The following IGIP variants were observed in gnomAD, a reference collection of about 807,000 sequenced individuals.
IGIP encodes the protein IgA-inducing protein homolog.
In IGIP, 1 loss-of-function variant was observed where a neutral mutation model predicts 3.2. The observed-to-expected ratio is 0.32, with a 90% CI of 0.11 to 1.50. IGIP has a LOEUF of 1.50. IGIP is among the 40% of genes most tolerant of loss of function. The probability of loss-of-function intolerance (pLI) is 0.39; values close to 1 mark genes in which losing one functional copy is unlikely to be tolerated. For missense variants in IGIP, 64 were observed against 69.0 expected (o/e 0.93, Z 0.26); for synonymous variants, 20 against 22.7 (o/e 0.88, Z 0.34).
In IGIP at chr5:140,129,022, A is replaced by C. The variant is rs1763243980; in HGVS notation, c.*384A>C. The C allele has an allele frequency of 6.3e-6, 1 of 159,822 alleles. No individual in the cohort carries two copies. The allele number at this position is 159,822 out of a possible 1,614,324, so 9.9% of individuals were successfully genotyped here. ...AAGGTAGGTTTGCTTATTTTTAAAA[A>C]TGTTATGTGAATGGCCTCCCTATCC... On this transcript the variant is annotated 3_prime_UTR_variant, in exon 1 of 1. Transcript: ENST00000333305.
At position 140,126,094 on chromosome 5, in the gene IGIP, A is replaced by G. The variant is rs368513330; in HGVS notation, c.-2383A>G. The G allele has an allele frequency of 1.2e-5, 2 of 167,092 alleles. No homozygotes were observed. Among genetic ancestry groups the G allele is most frequent in the African/African-American group, 2.4e-5 (1 of 41,454 alleles). 10.4% of individuals were successfully genotyped at this position (167,092 alleles called of 1,614,324 possible). A position where few individuals can be genotyped will look rare whatever the true frequency, so the allele number is the denominator to read the frequency against. On this transcript the variant is annotated 5_prime_UTR_variant, in exon 1 of 1. Transcript: ENST00000333305. Reference sequence around the variant, plus strand: ...CTTTGGGCTTATTCAAAAGTGTACAATAGGAAAGTATATTTCCTTTCTTAG... The same window carrying G: ...CTTTGGGCTTATTCAAAAGTGTACAGTAGGAAAGTATATTTCCTTTCTTAG...
At position 140,128,863 on chromosome 5, in the gene IGIP, G is replaced by C. The variant is rs1763242431; in HGVS notation, c.*225G>C. On this transcript the variant is annotated 3_prime_UTR_variant, in exon 1 of 1. Coordinates refer to ENST00000333305, the MANE Select transcript of IGIP (RefSeq NM_001007189.2). ...TTTTTGGGGGAAGGGGTCTGGTTGC[G>C]ATCTTGGATTTTTTTTTTTTTTGAT... 2.1e-6 allele frequency: 1 copy of C among 467,480 alleles called. No homozygotes were observed. The highest frequency in any genetic ancestry group is 3.8e-6 in the Non-Finnish European group (1 of 265,494). 29.0% of individuals were successfully genotyped at this position (467,480 alleles called of 1,614,324 possible). A position where few individuals can be genotyped will look rare whatever the true frequency, so the allele number is the denominator to read the frequency against.
In IGIP at chr5:140,128,380, C is replaced by T; in HGVS notation, c.-97C>T. 1.3e-6 allele frequency: 1 copy of T among 774,846 alleles called. No homozygotes were observed. The highest frequency in any genetic ancestry group is 2.8e-5 in the East Asian group (1 of 36,174). 48.0% of individuals were successfully genotyped at this position (774,846 alleles called of 1,614,324 possible). Reference sequence around the variant, plus strand: ...ATACAGTTAGAATATCATTAATTTGCACTGTTTGGGGACCCCATTTAAGAA... The same window carrying T: ...ATACAGTTAGAATATCATTAATTTGTACTGTTTGGGGACCCCATTTAAGAA... On this transcript the variant is annotated 5_prime_UTR_variant, in exon 1 of 1. Transcript: ENST00000333305.
chr5:140,126,053 G>A lies in IGIP; in HGVS notation c.-2424G>A, dbSNP rs1352662036. On this transcript the variant is annotated 5_prime_UTR_variant, in exon 1 of 1. It removes an upstream start codon present in the reference 5' UTR. Coordinates refer to ENST00000333305, the MANE Select transcript of IGIP (RefSeq NM_001007189.2). ...TATTGCATGTATTAGTTTTATTAAT[G>A]ATTTTTGGTGCATGCCTTTGGGCTT... 1 of 167,148 alleles carries A rather than the reference G, an allele frequency of 6.0e-6. No homozygotes were observed. Among genetic ancestry groups the A allele is most frequent in the South Asian group, 2.1e-4 (1 of 4,822 alleles). 10.4% of individuals were successfully genotyped at this position (167,148 alleles called of 1,614,324 possible). A position where few individuals can be genotyped will look rare whatever the true frequency, so the allele number is the denominator to read the frequency against.
At position 140,129,261 on chromosome 5, in the gene IGIP, G is replaced by A. The variant is rs1376113394; in HGVS notation, c.*623G>A. 5.9e-5 allele frequency: 9 copies of A among 152,122 alleles called. No individual in the cohort carries two copies. The highest frequency in any genetic ancestry group is 4.6e-4 in the Admixed American group (7 of 15,262). The allele number at this position is 152,122 out of a possible 1,614,324, so 9.4% of individuals were successfully genotyped here. A position where few individuals can be genotyped will look rare whatever the true frequency, so the allele number is the denominator to read the frequency against. ...GTACATGTAACATTTTGAAACAAGC[G>A]TACAATGTACTGATTAAATCAGGAT... On this transcript the variant is annotated 3_prime_UTR_variant, in exon 1 of 1. Coordinates refer to ENST00000333305, the MANE Select transcript of IGIP (RefSeq NM_001007189.2).
rs1215088823 is a variant in IGIP at position 140,129,193 on chromosome 5, A to G, written c.*555A>G. On this transcript the variant is annotated 3_prime_UTR_variant, in exon 1 of 1. Transcript: ENST00000333305. ...TTTTCTGTCAGTTACAATAAAAAAA[A>G]TGTAATTATCATGGATACATACTAG... 1 of 152,362 alleles carries G rather than the reference A, an allele frequency of 6.6e-6. No homozygotes were observed. The highest frequency in any genetic ancestry group is 1.5e-5 in the Non-Finnish European group (1 of 68,188). The allele number at this position is 152,362 out of a possible 1,614,324, so 9.4% of individuals were successfully genotyped here.
Position 140,126,350 on chromosome 5 carries a change from T to G in IGIP, c.-2127T>G, listed in dbSNP as rs983035799. On this transcript the variant is annotated 5_prime_UTR_variant, in exon 1 of 1. Coordinates refer to ENST00000333305, the MANE Select transcript of IGIP (RefSeq NM_001007189.2). ...GTTGGGTAGAAATACCTTTAGATCT[T>G]GCATTTACTTCCAAAAAGAAAAAAT... is the stretch of plus-strand genomic sequence containing the variant. The G allele has an allele frequency of 6.0e-6, 1 of 167,114 alleles. No homozygotes were observed. Among genetic ancestry groups the G allele is most frequent in the Admixed American group, 6.5e-5 (1 of 15,280 alleles). 10.4% of individuals were successfully genotyped at this position (167,114 alleles called of 1,614,324 possible). A position where few individuals can be genotyped will look rare whatever the true frequency, so the allele number is the denominator to read the frequency against.
rs1223295986 is a variant in IGIP at position 140,128,468 on chromosome 5, G to A, written c.-9G>A. ...TTTAAAAAGTAAATTTGAGCATTCT[G>A]TATTAAATATGTGCAGTTATTATCA... On this transcript the variant is annotated 5_prime_UTR_variant, in exon 1 of 1. Coordinates refer to ENST00000333305, the MANE Select transcript of IGIP (RefSeq NM_001007189.2). The A allele has an allele frequency of 1.9e-6, 3 of 1,564,584 alleles. No homozygotes were observed. The highest frequency in any genetic ancestry group is 1.7e-6 in the Non-Finnish European group (2 of 1,160,420).
In IGIP at chr5:140,129,335, A is replaced by G. The variant is rs1277366231; in HGVS notation, c.*697A>G. ...GTATGTATAATTTCTTCGTTTTAGG[A>G]ACATTCTAATTCCACTCTTAGTTAT... is the stretch of plus-strand genomic sequence containing the variant. On this transcript the variant is annotated 3_prime_UTR_variant, in exon 1 of 1. Coordinates refer to ENST00000333305, the MANE Select transcript of IGIP (RefSeq NM_001007189.2). The G allele has an allele frequency of 6.6e-6, 1 of 152,194 alleles. No homozygotes were observed. Among genetic ancestry groups the G allele is most frequent in the Non-Finnish European group, 1.5e-5 (1 of 68,026 alleles). The allele number at this position is 152,194 out of a possible 1,614,324, so 9.4% of individuals were successfully genotyped here.
Position 140,128,342 on chromosome 5 carries a change from G to T in IGIP, c.-135G>T. The T allele has an allele frequency of 1.7e-6, 1 of 580,274 alleles. No individual in the cohort carries two copies. The highest frequency in any genetic ancestry group is 2.6e-5 in the South Asian group (1 of 38,620). 35.9% of individuals were successfully genotyped at this position (580,274 alleles called of 1,614,324 possible). ...TGAGTTTACAAGTTAATCCTTATTG[G>T]AGATGTGCCAATATACAGTTAGAAT... On this transcript the variant is annotated 5_prime_UTR_variant, in exon 1 of 1. Coordinates refer to ENST00000333305, the MANE Select transcript of IGIP (RefSeq NM_001007189.2).
chr5:140,128,489 T>G lies in IGIP; in HGVS notation c.13T>G (p.Tyr5Asp). The change falls in exon 1 of 1, where the codon TAT becomes GAT. Residue 5 changes from tyrosine to aspartate, a missense_variant. Transcript: ENST00000333305. MCSYYHMKKRSVSGC... is the reference protein window; with the variant it reads MCSYDHMKKRSVSGC... ...TTCTGTATTAAATATGTGCAGTTAT[T>G]ATCACATGAAGAAACGCAGTGTGTC... The G allele has an allele frequency of 8.8e-6, 14 of 1,591,358 alleles. No homozygotes were observed. Among genetic ancestry groups the G allele is most frequent in the Non-Finnish European group, 1.1e-5 (13 of 1,171,780 alleles).
rs1763248179 is a variant in IGIP at position 140,129,315 on chromosome 5, T to C, written c.*677T>C. ...TGGGGTATCCATCACCTGAAGTATG[T>C]ATAATTTCTTCGTTTTAGGAACATT... On this transcript the variant is annotated 3_prime_UTR_variant, in exon 1 of 1. Transcript: ENST00000333305. The C allele has an allele frequency of 6.6e-6, 1 of 152,236 alleles. No individual in the cohort carries two copies. Among genetic ancestry groups the C allele is most frequent in the Non-Finnish European group, 1.5e-5 (1 of 68,036 alleles). 9.4% of individuals were successfully genotyped at this position (152,236 alleles called of 1,614,324 possible). A position where few individuals can be genotyped will look rare whatever the true frequency, so the allele number is the denominator to read the frequency against.
chr5:140,126,330 G>A lies in IGIP; in HGVS notation c.-2147G>A, dbSNP rs756504751. On this transcript the variant is annotated 5_prime_UTR_variant, in exon 1 of 1. Transcript: ENST00000333305. The stretch of plus-strand genomic sequence containing the variant: ...TAAACACTTAAACAGACGTTGTTGG[G>A]TAGAAATACCTTTAGATCTTGCATT... The A allele has an allele frequency of 1.2e-5, 2 of 167,076 alleles. No individual in the cohort carries two copies. The highest frequency in any genetic ancestry group is 2.9e-5 in the Non-Finnish European group (2 of 68,118). The allele number at this position is 167,076 out of a possible 1,614,324, so 10.3% of individuals were successfully genotyped here. A position where few individuals can be genotyped will look rare whatever the true frequency, so the allele number is the denominator to read the frequency against.
At position 140,129,160 on chromosome 5, in the gene IGIP, G is replaced by GT. The variant is rs1763246358; in HGVS notation, c.*528dup. ...AGATCATGCTCCATTCTCATGGAAG[G>GT]TTTTTTGTTTTCTGTCAGTTACAAT... On this transcript the variant is annotated 3_prime_UTR_variant, in exon 1 of 1. Transcript: ENST00000333305. The GT allele has an allele frequency of 6.6e-6, 1 of 152,086 alleles. No individual in the cohort carries two copies. The allele number at this position is 152,086 out of a possible 1,614,324, so 9.4% of individuals were successfully genotyped here.
In IGIP at chr5:140,127,870, A is replaced by G. The variant is rs999888823; in HGVS notation, c.-607A>G. 2 of 167,008 alleles carry G rather than the reference A, an allele frequency of 1.2e-5. No individual in the cohort carries two copies. The highest frequency in any genetic ancestry group is 4.8e-5 in the African/African-American group (2 of 41,458). 10.3% of individuals were successfully genotyped at this position (167,008 alleles called of 1,614,324 possible). On this transcript the variant is annotated 5_prime_UTR_variant, in exon 1 of 1. Coordinates refer to ENST00000333305, the MANE Select transcript of IGIP (RefSeq NM_001007189.2). ...TAAGTTATATTCTGATGTAAGATTA[A>G]CTTTATTAAAGAATGTAAACATTAA...
rs1485903426 is a variant in IGIP, at chr5:140,127,342, G to A, written c.-1135G>A. The A allele has an allele frequency of 1.2e-5, 2 of 167,056 alleles. No individual in the cohort carries two copies. The highest frequency in any genetic ancestry group is 2.4e-5 in the African/African-American group (1 of 41,436). The allele number at this position is 167,056 out of a possible 1,614,324, so 10.3% of individuals were successfully genotyped here. ...AGTTGGGGAGTGTGCACTGGCTGGA[G>A]GCTTCCAGAGGCTTCCAGCCATGAG... On this transcript the variant is annotated 5_prime_UTR_variant, in exon 1 of 1. Transcript: ENST00000333305.
In IGIP at chr5:140,126,639, G is replaced by A. The variant is rs1484925462; in HGVS notation, c.-1838G>A. ...AGACTCCCACTTTGATTACTGACCT[G>A]ACAGTGAAGATTCATGCTTGACATG... is the stretch of plus-strand genomic sequence containing the variant. On this transcript the variant is annotated 5_prime_UTR_variant, in exon 1 of 1. Transcript: ENST00000333305. 6.0e-6 allele frequency: 1 copy of A among 167,038 alleles called. No individual in the cohort carries two copies. Among genetic ancestry groups the A allele is most frequent in the Non-Finnish European group, 1.5e-5 (1 of 68,108 alleles). The allele number at this position is 167,038 out of a possible 1,614,324, so 10.3% of individuals were successfully genotyped here. A position where few individuals can be genotyped will look rare whatever the true frequency, so the allele number is the denominator to read the frequency against.
rs897118630 is a variant in IGIP at position 140,126,683 on chromosome 5, T to C, written c.-1794T>C. On this transcript the variant is annotated 5_prime_UTR_variant, in exon 1 of 1. Transcript: ENST00000333305. Reference sequence around the variant, plus strand: ...TGACATGATTTCAGACTTGACAATGTCTGTTTAAGGAGCTATGGTACAGTT... The same window carrying C: ...TGACATGATTTCAGACTTGACAATGCCTGTTTAAGGAGCTATGGTACAGTT... 3 of 167,062 alleles carry C rather than the reference T, an allele frequency of 1.8e-5. No homozygotes were observed. In the Admixed American group the frequency reaches 2.0e-4, roughly 11 times the overall value. The allele number at this position is 167,062 out of a possible 1,614,324, so 10.3% of individuals were successfully genotyped here. A position where few individuals can be genotyped will look rare whatever the true frequency, so the allele number is the denominator to read the frequency against.
rs994038072 is a variant in IGIP, at chr5:140,126,698, A to G, written c.-1779A>G. ...CTTGACAATGTCTGTTTAAGGAGCT[A>G]TGGTACAGTTTGCTAATTCAATCCC... is the stretch of plus-strand genomic sequence containing the variant. On this transcript the variant is annotated 5_prime_UTR_variant, in exon 1 of 1. It removes an upstream start codon present in the reference 5' UTR. Transcript: ENST00000333305. 1.2e-5 allele frequency: 2 copies of G among 167,106 alleles called. No homozygotes were observed. Among genetic ancestry groups the G allele is most frequent in the Admixed American group, 6.5e-5 (1 of 15,290 alleles). 10.4% of individuals were successfully genotyped at this position (167,106 alleles called of 1,614,324 possible).
Sources: allele counts gnomAD v4.1 joint callset, GRCh38; gene constraint gnomAD v4.1.1; transcripts MANE v1.5; gene names NCBI Gene and HGNC (gene_info 2026-07-23, HGNC 2026-07-21).